GABRR3: variants seen among roughly 807,000 people sequenced by gnomAD.
GABRR3 encodes the protein gamma-aminobutyric acid receptor subunit rho-3.
In GABRR3, 29 loss-of-function variants were observed where a neutral mutation model predicts 43.2. The observed-to-expected ratio is 0.67, with a 90% CI of 0.50 to 0.92. The LOEUF (loss-of-function observed/expected upper bound fraction) is 0.92, where lower values mean the gene tolerates loss of function less well. Ranked by LOEUF, GABRR3 falls within the 40% of genes least tolerant of loss-of-function variation. The pLI is 0.00. For missense variants in GABRR3, 576 were observed against 572.3 expected, an observed-to-expected ratio of 1.01 and a Z score of -0.07; for synonymous variants, 206 against 195.9, an observed-to-expected ratio of 1.05 and a Z score of -0.43.
chr3:98,012,258 G>C (rs1336303370), intron 5 of GABRR3, 86 bp downstream of exon 5: 1 of 922,984 alleles, frequency 1.1e-6, no homozygotes, highest in East Asian at 2.6e-5. Context: ...GCAACATTGT[G>C]AGTTTCATCT....
chr3:98,020,838 G>T (rs115701768), intron 3 of GABRR3, among the ~76,000 whole-genome samples: 5 of 150,930 alleles, frequency 3.3e-5, no homozygotes, highest in African/African-American at 4.9e-5. Context: ...CTTGGGTGCC[G>T]TCTGGCCTCA....
At chr3:98,005,904 T>G (rs536643115) in intron 7 of GABRR3, among the ~76,000 whole-genome samples, 1 of 152,312 alleles carries the variant, frequency 6.6e-6, no homozygotes, top group South Asian at 2.1e-4. Context: ...AAATATCTAT[T>G]TACAATTTAT....
At chr3:98,012,651 A>T in intron 4 of GABRR3, 84 bp from the exon 5 acceptor site, 2 of 878,440 alleles carry the variant, frequency 2.3e-6, no homozygotes, top group East Asian at 2.4e-5. Flanking sequence ...CCCAGGACTC[A>T]TTCCTATGGT....
chr3:98,002,596 C>T (rs1706665079), intron 7 of GABRR3, among the ~76,000 whole-genome samples: 1 of 152,020 alleles, frequency 6.6e-6, no homozygotes, highest in African/African-American at 2.4e-5. Flanking sequence ...TTTTCTCATA[C>T]ATTTCTAATT....
chr3:98,031,602 G>A (rs1195644793), intron 2 of GABRR3, among the ~76,000 whole-genome samples: 1 of 151,972 alleles, frequency 6.6e-6, no homozygotes, highest in East Asian at 1.9e-4. Context: ...TAAAAGCCAG[G>A]TGTAGTGGCA....
At chr3:97,992,075 G>T (rs1706475793) in intron 9 of GABRR3, among the ~76,000 whole-genome samples, 1 of 152,064 alleles carries the variant, frequency 6.6e-6, no homozygotes, top group African/African-American at 2.4e-5. Context: ...GCAGGAAACT[G>T]GTGCCCAAAT....
intron 9 of GABRR3, among the ~76,000 whole-genome samples, chr3:97,991,026 C>A (rs1706459911): frequency 6.6e-6 from 1 of 152,138 alleles, no homozygotes; most frequent in Non-Finnish European, 1.5e-5. Context: ...TAGTGGTACA[C>A]AAAAAGATTG....
intron 8 of GABRR3, among the ~76,000 whole-genome samples, chr3:97,994,141 AGACAGAGTCTCAAACAGCAG>A (rs1706506240): frequency 6.6e-6 from 1 of 152,246 alleles, no homozygotes. Flanking sequence ...TAATGTCAAC[AGACAGAGTCTCAAACAGCAG>A]GAAGAGCACT....
At chr3:98,032,282 A>G (rs58339944) in intron 2 of GABRR3, among the ~76,000 whole-genome samples, 1,858 of 152,284 alleles carry the variant, frequency 0.012, 32 homozygotes, top group African/African-American at 0.043. Flanking sequence ...GCAGGCTTAT[A>G]TAATTTATTT....
exon 10 of GABRR3, chr3:97,986,696 C>T: frequency 6.5e-7 from 1 of 1,546,152 alleles, no homozygotes; most frequent in Non-Finnish European, 8.8e-7. Flanking sequence ...TACATATACA[C>T]CCCAGTAAAA....
rs760708412 is a variant in GABRR3, at chr3:98,007,921, T to C, written c.614-17A>G. 6.5e-7 allele frequency: 1 copy of C among 1,541,858 alleles called. No homozygotes were observed. The highest frequency in any genetic ancestry group is 1.4e-5 in the African/African-American group (1 of 72,380). ...TGTAGGCATCTAAAACATGAAAATA[T>C]CAGTCTTGTAAGTGTAATAAGCTCT... On this transcript the variant is annotated splice_polypyrimidine_tract_variant and intron_variant, in intron 6 of 9. Transcript: ENST00000621172.
At position 97,993,905 on chromosome 3, in the gene GABRR3, C is replaced by T. The variant is rs946568873; in HGVS notation, c.908-857G>A. ...AAGGTTCCAGGGGGAAAATGGAGAA[C>T]GAAGTGACTCTGAGATCTCCTTAAT... On this transcript the variant is annotated intron_variant, in intron 8 of 9. Coordinates refer to ENST00000621172, the Ensembl canonical transcript of GABRR3. 3.9e-5 allele frequency among the ~76,000 whole-genome samples: 6 copies of T among 152,178 alleles called. No individual in the cohort carries two copies. In the South Asian group the frequency reaches 1.0e-3, roughly 26 times the overall value.
At chr3:98,007,505 C>G (rs1231408722) in intron 7 of GABRR3, among the ~76,000 whole-genome samples, 1 of 152,056 alleles carries the variant, frequency 6.6e-6, no homozygotes, top group Non-Finnish European at 1.5e-5. Context: ...CTTTATGTTC[C>G]AAAGAGATTA....
At chr3:98,004,060 C>T (rs762100194) in intron 7 of GABRR3, among the ~76,000 whole-genome samples, 7 of 152,082 alleles carry the variant, frequency 4.6e-5, no homozygotes, top group Non-Finnish European at 7.4e-5. Context: ...AGAGAGTTGG[C>T]ACCCAGGGAA....
At chr3:98,017,044 G>A (rs1474961207) in intron 4 of GABRR3, among the ~76,000 whole-genome samples, 1 of 152,100 alleles carries the variant, frequency 6.6e-6, no homozygotes, top group African/African-American at 2.4e-5. Context: ...CAAGTTTTAT[G>A]GATATTTCAT....
rs536680325 is a variant in GABRR3, at chr3:98,019,258, G to T, written c.239-1536C>A. On this transcript the variant is annotated intron_variant, in intron 3 of 9. Transcript: ENST00000621172. Reference sequence around the variant, plus strand: ...TACGTAATGCCTGGATGTGCTACATGGGACAGGCGTGCCTATAATTCGACA... The same window carrying T: ...TACGTAATGCCTGGATGTGCTACATTGGACAGGCGTGCCTATAATTCGACA... Among the ~76,000 whole-genome samples the T allele has an allele frequency of 2.8e-3, 420 of 152,314 alleles. 2 individuals carry two copies. Among genetic ancestry groups the T allele is most frequent in the South Asian group, 0.011 (52 of 4,824 alleles).
chr3:98,010,366 C>T (rs1234311922), intron 5 of GABRR3, among the ~76,000 whole-genome samples: 1 of 152,044 alleles, frequency 6.6e-6, no homozygotes, highest in Admixed American at 6.6e-5. Context: ...ACTAAGGAAG[C>T]TCACCCAAGC....
At chr3:98,014,980 A>G (rs1706856154) in intron 4 of GABRR3, among the ~76,000 whole-genome samples, 1 of 152,216 alleles carries the variant, frequency 6.6e-6, no homozygotes, top group Non-Finnish European at 1.5e-5. Context: ...TGTATCAACA[A>G]TACTTATTCT....
Position 97,989,173 on chromosome 3 carries a change from T to C in GABRR3, c.1105-2191A>G, listed in dbSNP as rs369798802. On this transcript the variant is annotated intron_variant, in intron 9 of 9. Coordinates refer to ENST00000621172, the Ensembl canonical transcript of GABRR3. The stretch of plus-strand genomic sequence containing the variant: ...AGGATGTAGTGGTGGTTGATGGTGG[T>C]GGGTGGTGGTTAGTAATGTTAGTGG... Among the ~76,000 whole-genome samples, 743 of 149,986 alleles carry C rather than the reference T, an allele frequency of 5.0e-3. 8 individuals carry two copies. The highest frequency in any genetic ancestry group is 0.017 in the African/African-American group (675 of 40,616).
Sources: allele counts gnomAD v4.1 joint callset (sites outside exome capture counted in the v4.1 genomes callset), GRCh38; gene constraint gnomAD v4.1.1; transcripts MANE v1.5; gene names NCBI Gene and HGNC (gene_info 2026-07-23, HGNC 2026-07-21).